The following ULK4 variants were observed in gnomAD, a reference collection of about 807,000 sequenced individuals.
ULK4 encodes unc-51 like kinase 4.
A neutral mutation model predicts 160.6 loss-of-function variants in ULK4; 133 were observed. That is an observed-to-expected ratio of 0.83 (90% CI 0.72 to 0.96). The LOEUF is 0.96. Ranked by LOEUF, ULK4 falls within the 40% of genes least tolerant of loss-of-function variation. ULK4 has a pLI of 0.00. For missense variants in ULK4, 1,580 were observed against 1,499.5 expected (o/e 1.05, Z -0.89); for synonymous variants, 534 against 539.8 (o/e 0.99, Z 0.15).
chr3:41,455,035 G>A (rs2083513195), intron 34 of ULK4, among the ~76,000 whole-genome samples: 1 of 152,108 alleles, frequency 6.6e-6, no homozygotes, highest in Admixed American at 6.5e-5. Context: ...CAATGGTCGT[G>A]TATAGTCTTA....
At chr3:41,378,737 A>T (rs938239149) in intron 35 of ULK4, among the ~76,000 whole-genome samples, 1 of 152,114 alleles carries the variant, frequency 6.6e-6, no homozygotes, top group Non-Finnish European at 1.5e-5. Flanking sequence ...ATATGTAACA[A>T]ACCTGCACGT....
At chr3:41,828,828 A>T (rs1253943762) in intron 18 of ULK4, among the ~76,000 whole-genome samples, 6 of 152,232 alleles carry the variant, frequency 3.9e-5, no homozygotes, top group African/African-American at 9.6e-5. Flanking sequence ...AAAAGAGCCC[A>T]CATTGCCAAG....
At chr3:41,830,028 A>G (rs28652776) in intron 18 of ULK4, among the ~76,000 whole-genome samples, 1 of 151,050 alleles carries the variant, frequency 6.6e-6, no homozygotes, top group East Asian at 1.9e-4. Flanking sequence ...CCATCATTCT[A>G]AGCAAACTAT....
At chr3:41,396,487 A>G (rs1347649025) in intron 35 of ULK4, among the ~76,000 whole-genome samples, 1 of 152,140 alleles carries the variant, frequency 6.6e-6, no homozygotes, top group Non-Finnish European at 1.5e-5. Context: ...GTATTATTAT[A>G]GTCTCTAGTA....
chr3:41,340,078 T>G (rs1188780984), intron 35 of ULK4, among the ~76,000 whole-genome samples: 1 of 152,258 alleles, frequency 6.6e-6, no homozygotes, highest in Non-Finnish European at 1.5e-5. Flanking sequence ...CCACTGCTGC[T>G]TATATCACAT....
intron 30 of ULK4, among the ~76,000 whole-genome samples, chr3:41,633,207 A>G (rs2033819292): frequency 6.6e-6 from 1 of 152,240 alleles, no homozygotes; most frequent in African/African-American, 2.4e-5. Flanking sequence ...GGCAAACTAC[A>G]GCCCACAGGC....
At chr3:41,351,588 G>A (rs189458114) in intron 35 of ULK4, among the ~76,000 whole-genome samples, 2 of 152,282 alleles carry the variant, frequency 1.3e-5, no homozygotes, top group Admixed American at 6.5e-5. Flanking sequence ...GATACAAATT[G>A]TAGCACTCCA....
At chr3:41,616,421 C>T (rs983461393) in intron 30 of ULK4, among the ~76,000 whole-genome samples, 1 of 152,172 alleles carries the variant, frequency 6.6e-6, no homozygotes, top group Non-Finnish European at 1.5e-5. Context: ...GCAGGTATTT[C>T]TGCATTTCCA....
intron 32 of ULK4, among the ~76,000 whole-genome samples, chr3:41,555,227 C>T (rs2087244097): frequency 6.6e-6 from 1 of 151,558 alleles, no homozygotes; most frequent in South Asian, 2.1e-4. Context: ...ATCATAACTA[C>T]TCAATAAAAA....
intron 35 of ULK4, among the ~76,000 whole-genome samples, chr3:41,287,122 T>C (rs569158759): frequency 6.6e-6 from 1 of 152,318 alleles, no homozygotes; most frequent in Admixed American, 6.5e-5. Flanking sequence ...TAGGAGCTTA[T>C]GGCAGAAACT....
intron 35 of ULK4, among the ~76,000 whole-genome samples, chr3:41,266,037 A>C (rs532013501): frequency 6.6e-6 from 1 of 152,338 alleles, no homozygotes; most frequent in East Asian, 1.9e-4. Context: ...TTTCTGGCTA[A>C]GTGTCAAATC....
intron 18 of ULK4, among the ~76,000 whole-genome samples, chr3:41,826,427 A>C (rs909341080): frequency 1.3e-5 from 2 of 148,378 alleles, no homozygotes; most frequent in Non-Finnish European, 3.0e-5. Context: ...TCATGTGCAG[A>C]GACACACATA....
Position 41,554,833 on chromosome 3 carries a change from T to C in ULK4, c.3226+11192A>G, listed in dbSNP as rs376564544. ...TATAAATGTGTACAAATATTATGCA[T>C]CAATAAAAATACATTTTAAAAGTAG... On this transcript the variant is annotated intron_variant, in intron 32 of 36. Coordinates refer to ENST00000301831, the MANE Select transcript of ULK4 (RefSeq NM_017886.4). Among the ~76,000 whole-genome samples, 29 of 152,154 alleles carry C rather than the reference T, an allele frequency of 1.9e-4. No homozygotes were observed. The East Asian group carries it at 5.2e-3, about 27-fold the overall frequency.
At chr3:41,514,805 C>T (rs2085697307) in intron 32 of ULK4, among the ~76,000 whole-genome samples, 1 of 152,086 alleles carries the variant, frequency 6.6e-6, no homozygotes, top group Non-Finnish European at 1.5e-5. Flanking sequence ...GGATGAGAAA[C>T]TGGTTAACGG....
rs548404909 is a variant in ULK4 at position 41,928,705 on chromosome 3, A to G, written c.541+3139T>C. Among the ~76,000 whole-genome samples, 37 of 152,284 alleles carry G rather than the reference A, an allele frequency of 2.4e-4. No individual in the cohort carries two copies. The South Asian group carries it at 6.4e-3, about 26-fold the overall frequency. ...CAAAGGAACCATCAGAGAATACTAT[A>G]AACACCTCTACACAAATAAACTAGA... On this transcript the variant is annotated intron_variant, in intron 5 of 36. Transcript: ENST00000301831.
intron 21 of ULK4, among the ~76,000 whole-genome samples, chr3:41,788,300 G>C (rs1053285662): frequency 1.3e-5 from 2 of 152,158 alleles, no homozygotes; most frequent in African/African-American, 4.8e-5. Flanking sequence ...TAAAGCAGAA[G>C]AAGCATGGTA....
At chr3:41,786,882 G>A (rs2040012741) in intron 21 of ULK4, among the ~76,000 whole-genome samples, 1 of 152,060 alleles carries the variant, frequency 6.6e-6, no homozygotes, top group South Asian at 2.1e-4. Flanking sequence ...CTTGAAACCT[G>A]AGGATCAACA....
At chr3:41,693,450 G>A (rs1332260211) in intron 27 of ULK4, among the ~76,000 whole-genome samples, 1 of 152,106 alleles carries the variant, frequency 6.6e-6, no homozygotes, top group East Asian at 1.9e-4. Flanking sequence ...GCCAAACATT[G>A]GTGGAATACT....
intron 27 of ULK4, among the ~76,000 whole-genome samples, chr3:41,702,215 A>C (rs1247747939): frequency 3.9e-5 from 6 of 152,140 alleles, no homozygotes; most frequent in Non-Finnish European, 8.8e-5. Flanking sequence ...GCTGGAGTAC[A>C]GTGGCTTGAA....
Sources: allele counts gnomAD v4.1 joint callset (sites outside exome capture counted in the v4.1 genomes callset), GRCh38; gene constraint gnomAD v4.1.1; transcripts MANE v1.5; gene names NCBI Gene and HGNC (gene_info 2026-07-23, HGNC 2026-07-21).